The following PKIG variants were observed in gnomAD, a reference collection of about 807,000 sequenced individuals.
PKIG encodes the protein protein kinase (cAMP-dependent, catalytic) inhibitor gamma.
In PKIG, 1 loss-of-function variant was observed where a neutral mutation model predicts 6.8. The observed-to-expected ratio is 0.15, with a 90% CI of 0.05 to 0.69. PKIG has a LOEUF of 0.69. Ranked by LOEUF, PKIG falls within the 30% of genes least tolerant of loss-of-function variation. The pLI, the probability that PKIG is intolerant of heterozygous loss-of-function variation, is 0.82. For synonymous variants in PKIG, 39 were observed against 43.0 expected (o/e 0.91, Z 0.36); for missense variants, 77 against 104.0 (o/e 0.74, Z 1.13).
At chr20:44,533,245 G>A (rs1476989394) in intron 1 of PKIG, among the ~76,000 whole-genome samples, 1 of 152,074 alleles carries the variant, frequency 6.6e-6, no homozygotes, top group Non-Finnish European at 1.5e-5. Flanking sequence ...GCCCAGGCTG[G>A]TCTCAGATTC....
At chr20:44,559,805 C>A (rs905605040) in intron 1 of PKIG, among the ~76,000 whole-genome samples, 1 of 152,072 alleles carries the variant, frequency 6.6e-6, no homozygotes, top group African/African-American at 2.4e-5. Flanking sequence ...TAGCAAAAAC[C>A]ACTGCTGCAA....
intron 1 of PKIG, among the ~76,000 whole-genome samples, chr20:44,568,946 A>G (rs2123280503): frequency 6.6e-6 from 1 of 152,328 alleles, no homozygotes. Flanking sequence ...TTGCACACAC[A>G]TCTATAGTGG....
upstream of PKIG, among the ~76,000 whole-genome samples, chr20:44,580,355 T>G (rs1339051705): frequency 1.4e-5 from 2 of 147,822 alleles, 1 homozygote; most frequent in South Asian, 4.3e-4. Flanking sequence ...TTGTTTTTTG[T>G]TTTTTTTTTA....
In PKIG at chr20:44,576,158, AGTGTGTGTGT is replaced by A. The variant is rs3221821; in HGVS notation, c.-240-6394_-240-6385del. ...TTTTACCATAGACTGGACTAAGTAG[AGTGTGTGTGT>A]GTGTGTGTGTGTGTGTGTGTGTGTG... On this transcript the variant is annotated intron_variant, in intron 1 of 4. Transcript: ENST00000372887. Among the ~76,000 whole-genome samples the A allele has an allele frequency of 0.012, 1,695 of 140,580 alleles. 82 individuals carry two copies. The East Asian group carries it at 0.16, about 14-fold the overall frequency. The allele number at this position is 140,580 out of a possible 152,430, so 92.2% of individuals were successfully genotyped here.
chr20:44,548,998 A>G (rs931794697), intron 1 of PKIG, among the ~76,000 whole-genome samples: 1 of 152,160 alleles, frequency 6.6e-6, no homozygotes, highest in Non-Finnish European at 1.5e-5. Context: ...TGTTTGGACA[A>G]GAAAATCAGC....
chr20:44,540,309 C>T (rs570327857), intron 1 of PKIG, among the ~76,000 whole-genome samples: 42 of 152,132 alleles, frequency 2.8e-4, no homozygotes, highest in Admixed American at 1.7e-3. Flanking sequence ...GCAAGTTTCC[C>T]AGTCAAGGAT....
chr20:44,599,052 T>A (rs547330108), intron 2 of PKIG, among the ~76,000 whole-genome samples: 1 of 152,320 alleles, frequency 6.6e-6, no homozygotes, highest in African/African-American at 2.4e-5. Flanking sequence ...CAAAACAGGA[T>A]GTTGCTTAAG....
intron 1 of PKIG, among the ~76,000 whole-genome samples, chr20:44,543,721 G>T (rs1048263679): frequency 4.6e-5 from 7 of 152,012 alleles, no homozygotes; most frequent in African/African-American, 1.7e-4. Context: ...GTAGGCCTAG[G>T]CCCCAGATTT....
At chr20:44,544,135 A>G (rs2064589038) in intron 1 of PKIG, among the ~76,000 whole-genome samples, 1 of 151,812 alleles carries the variant, frequency 6.6e-6, no homozygotes, top group Admixed American at 6.6e-5. Context: ...GAACTACCCT[A>G]GAATCTCATT....
At chr20:44,598,685 A>G (rs1474795810) in intron 2 of PKIG, 3 of 152,202 alleles carry the variant, frequency 2.0e-5, no homozygotes, top group Admixed American at 6.5e-5. Flanking sequence ...GATAATACAG[A>G]CACAGCAGGA....
At chr20:44,532,916 G>A (rs2123108059) in intron 1 of PKIG, among the ~76,000 whole-genome samples, 1 of 152,280 alleles carries the variant, frequency 6.6e-6, no homozygotes, top group East Asian at 1.9e-4. Flanking sequence ...CAGATTATGA[G>A]AGTTGGAGGG....
At chr20:44,553,128 G>A (rs919942543) in intron 1 of PKIG, among the ~76,000 whole-genome samples, 6 of 151,922 alleles carry the variant, frequency 3.9e-5, no homozygotes, top group South Asian at 2.1e-4. Flanking sequence ...TCTTCCCACC[G>A]CCTCATAACA....
intron 1 of PKIG, among the ~76,000 whole-genome samples, chr20:44,589,279 T>C (rs772210838): frequency 6.6e-6 from 1 of 152,096 alleles, no homozygotes; most frequent in African/African-American, 2.4e-5. Flanking sequence ...TGAGGCTACA[T>C]TGAGCTATGA....
chr20:44,545,996 C>T (rs1307486545), intron 1 of PKIG, among the ~76,000 whole-genome samples: 2 of 151,580 alleles, frequency 1.3e-5, no homozygotes, highest in Admixed American at 1.3e-4. Context: ...GTCTATAATC[C>T]CAGCACTTTG....
Position 44,614,708 on chromosome 20 carries a change from GT to G in PKIG, c.151+3del, listed in dbSNP as rs2123480197. On this transcript the variant is annotated splice_donor_variant, in intron 3 of 3. Transcript: ENST00000372886. LOFTEE classifies it high-confidence loss of function. This position sits in a 1 kb window ranked among gnomAD's most constrained non-coding sequence, Gnocchi z 4.6. Reference sequence around the variant, plus strand: ...GGCGAGCTGGCACTCGAGGGGGCAGGTTAGAGCCAGCAGGTCCTTGGCACTA... The same window carrying G: ...GGCGAGCTGGCACTCGAGGGGGCAGGTAGAGCCAGCAGGTCCTTGGCACTA... 6.2e-7 allele frequency: 1 copy of G among 1,613,544 alleles called. No homozygotes were observed. Among genetic ancestry groups the G allele is most frequent in the East Asian group, 2.2e-5 (1 of 44,878 alleles).
At chr20:44,542,066 A>C (rs551604757) in intron 1 of PKIG, among the ~76,000 whole-genome samples, 2 of 152,328 alleles carry the variant, frequency 1.3e-5, no homozygotes, top group East Asian at 3.9e-4. Context: ...AATGAAAATG[A>C]TATTTCCGGG....
chr20:44,566,677 C>G (rs2064813742), intron 1 of PKIG, among the ~76,000 whole-genome samples: 2 of 152,122 alleles, frequency 1.3e-5, no homozygotes, highest in Non-Finnish European at 2.9e-5. Context: ...GAAATCCCGT[C>G]TCTACTAAAA....
chr20:44,561,251 C>T (rs975172647), intron 1 of PKIG, among the ~76,000 whole-genome samples: 3 of 152,088 alleles, frequency 2.0e-5, no homozygotes, highest in East Asian at 1.9e-4. Context: ...GCAGGAGAAT[C>T]GCTTGAACCC....
intron 1 of PKIG, among the ~76,000 whole-genome samples, chr20:44,586,115 T>G (rs930480099): frequency 6.6e-6 from 1 of 152,162 alleles, no homozygotes; most frequent in African/African-American, 2.4e-5. Flanking sequence ...GCCTCCTAGC[T>G]GGGAGATCCT....
Sources: gnomAD v4.1 joint callset for allele counts (sites outside exome capture counted in the v4.1 genomes callset) on GRCh38, gnomAD v4.1.1 for gene constraint, Gnocchi (gnomAD v3.1) non-coding constraint, MANE v1.5 for transcripts, NCBI Gene and HGNC (gene_info 2026-07-23, HGNC 2026-07-21) for gene names.